The following QKI variants were observed in gnomAD, a reference collection of about 807,000 sequenced individuals.
The protein encoded by QKI is KH domain-containing RNA-binding protein QKI.
Under a neutral mutation model 39.0 loss-of-function variants are expected in QKI, and 10 were observed. The observed-to-expected ratio is 0.26, with a 90% CI of 0.16 to 0.43. The LOEUF (loss-of-function observed/expected upper bound fraction) is 0.43. QKI is among the 20% of genes least tolerant of loss of function. The pLI is 1.00. For synonymous variants in QKI, 204 were observed against 155.4 expected (o/e 1.31, Z -2.33); for missense variants, 218 against 428.0 (o/e 0.51, Z 4.33).
intron 1 of QKI, among the ~76,000 whole-genome samples, chr6:163,434,768 T>C (rs1789115605): frequency 6.6e-6 from 1 of 152,032 alleles, no homozygotes; most frequent in African/African-American, 2.4e-5. Flanking sequence ...TTTAAAAAAA[T>C]TAAATTTTAC....
intron 4 of QKI, among the ~76,000 whole-genome samples, chr6:163,542,723 GTTTAC>G (rs1261721861): frequency 6.6e-6 from 1 of 151,944 alleles, no homozygotes; most frequent in East Asian, 1.9e-4. Context: ...TTCTCTGTAT[GTTTAC>G]TTTATAGGTA....
chr6:163,462,659 G>A (rs753553375), intron 2 of QKI, among the ~76,000 whole-genome samples: 13 of 152,142 alleles, frequency 8.5e-5, no homozygotes, highest in Non-Finnish European at 1.6e-4. Flanking sequence ...AAGGATATCT[G>A]AATATAAAAC....
At chr6:163,556,503 CAAAAAA>C (rs61233361) in intron 4 of QKI, among the ~76,000 whole-genome samples, 7 of 83,060 alleles carry the variant, frequency 8.4e-5, no homozygotes, top group African/African-American at 2.3e-4. Flanking sequence ...AATTCCACCT[CAAAAAA>C]AAAAAAAAAA....
In QKI at chr6:163,561,340, C is replaced by T. The variant is rs191011410; in HGVS notation, c.547-642C>T. Among the ~76,000 whole-genome samples the T allele has an allele frequency of 1.8e-4, 27 of 152,250 alleles. No individual in the cohort carries two copies. The East Asian group carries it at 5.2e-3, about 29-fold the overall frequency. On this transcript the variant is annotated intron_variant, in intron 4 of 7. Transcript: ENST00000361752. ...GATAGTTGCTGGCTGGGTGCAGTGG[C>T]TCACACTTGTAAACTTAGCACTTTG... is the stretch of plus-strand genomic sequence containing the variant.
intron 1 of QKI, among the ~76,000 whole-genome samples, chr6:163,454,899 T>C (rs982887344): frequency 9.9e-5 from 15 of 152,202 alleles, no homozygotes; most frequent in Non-Finnish European, 1.9e-4. Flanking sequence ...GGCTTTGGTA[T>C]TAGTTTTGTC....
chr6:163,448,626 C>G (rs1158843592), intron 1 of QKI, among the ~76,000 whole-genome samples: 1 of 152,058 alleles, frequency 6.6e-6, no homozygotes, highest in Non-Finnish European at 1.5e-5. Flanking sequence ...ATCCCAGCTA[C>G]TCGGGGAGGC....
chr6:163,558,404 C>CT (rs964172716), intron 4 of QKI, among the ~76,000 whole-genome samples: 10,767 of 135,522 alleles, frequency 0.079, 465 homozygotes, highest in African/African-American at 0.099. Flanking sequence ...TTTTCTTTTT[C>CT]TTTTTTTTTT....
At chr6:163,530,431 T>C (rs1431661328) in intron 3 of QKI, among the ~76,000 whole-genome samples, 1 of 152,152 alleles carries the variant, frequency 6.6e-6, no homozygotes, top group Non-Finnish European at 1.5e-5. Context: ...AAGAGGACCT[T>C]TTGGGGTGTG....
At chr6:163,415,430 C>T (rs1787364800) in intron 1 of QKI, 95 bp downstream of exon 1, 5 of 755,024 alleles carry the variant, frequency 6.6e-6, no homozygotes, top group South Asian at 3.4e-5. Context: ...AGGTCACGGC[C>T]GGGCGGGACC....
At chr6:163,534,445 C>CATT (rs1781067812) in intron 3 of QKI, among the ~76,000 whole-genome samples, 1 of 152,124 alleles carries the variant, frequency 6.6e-6, no homozygotes, top group African/African-American at 2.4e-5. Flanking sequence ...CAACCAATGT[C>CATT]ATTAAAAGCA....
intron 3 of QKI, among the ~76,000 whole-genome samples, chr6:163,494,095 A>ATCC (rs147363339): frequency 0.08 from 12,124 of 152,278 alleles, 542 homozygotes; most frequent in Middle Eastern, 0.12. Flanking sequence ...CAGGCCCCAC[A>ATCC]TCCTCCAATT....
intron 3 of QKI, among the ~76,000 whole-genome samples, chr6:163,532,115 A>T (rs1313938519): frequency 6.6e-6 from 1 of 152,240 alleles, no homozygotes; most frequent in Non-Finnish European, 1.5e-5. Context: ...TTCTATCATG[A>T]AAATAATTAT....
Position 163,576,891 on chromosome 6 carries a change from T to C in QKI, c.*6181T>C, listed in dbSNP as rs1479884923. ...TAACATTCACTCTGATTTTAGCCAT[T>C]AAGGGAGATTAGTAAACAGACTGCT... On this transcript the variant is annotated 3_prime_UTR_variant, in exon 8 of 8. Coordinates refer to ENST00000361752, the MANE Select transcript of QKI (RefSeq NM_006775.3). 1 of 152,190 alleles carries C rather than the reference T, an allele frequency of 6.6e-6. No homozygotes were observed. Among genetic ancestry groups the C allele is most frequent in the African/African-American group, 2.4e-5 (1 of 41,454 alleles). The allele number at this position is 152,190 out of a possible 1,614,324, so 9.4% of individuals were successfully genotyped here.
At chr6:163,534,749 C>T (rs184800258) in intron 3 of QKI, among the ~76,000 whole-genome samples, 5 of 152,248 alleles carry the variant, frequency 3.3e-5, no homozygotes, top group Admixed American at 3.3e-4. Context: ...TGGTTCTGTG[C>T]CTGGTAGATA....
At position 163,570,899 on chromosome 6, in the gene QKI, T is replaced by A; in HGVS notation, c.*189T>A. 1 of 767,506 alleles carries A rather than the reference T, an allele frequency of 1.3e-6. No individual in the cohort carries two copies. The highest frequency in any genetic ancestry group is 2.0e-6 in the Non-Finnish European group (1 of 505,508). The allele number at this position is 767,506 out of a possible 1,614,324, so 47.5% of individuals were successfully genotyped here. On this transcript the variant is annotated 3_prime_UTR_variant, in exon 8 of 8. Coordinates refer to ENST00000361752, the MANE Select transcript of QKI (RefSeq NM_006775.3). ...ATTGTTGTCCTCCAACTCAGCTTTTTTTTTTTTTTTTTCCTGTTTGGGTGA... is the reference window on the plus strand; with the variant it reads ...ATTGTTGTCCTCCAACTCAGCTTTTATTTTTTTTTTTTCCTGTTTGGGTGA...
At chr6:163,567,769 C>T (rs1783455001) in intron 7 of QKI, 1 of 984,908 alleles carries the variant, frequency 1.0e-6, no homozygotes, top group Non-Finnish European at 1.2e-6. Flanking sequence ...CATTTGTTTC[C>T]TACAAATTAA....
At chr6:163,427,388 T>C (rs571945368) in intron 1 of QKI, among the ~76,000 whole-genome samples, 1 of 152,098 alleles carries the variant, frequency 6.6e-6, no homozygotes, top group Admixed American at 6.6e-5. Flanking sequence ...GCAGTAAAAC[T>C]ATCTTTAAAA....
intron 3 of QKI, among the ~76,000 whole-genome samples, chr6:163,490,817 G>C (rs1001177265): frequency 1.3e-5 from 2 of 152,162 alleles, no homozygotes; most frequent in African/African-American, 2.4e-5. Context: ...AAAGGCAGAA[G>C]ACAAATGATC....
intron 3 of QKI, among the ~76,000 whole-genome samples, chr6:163,532,831 C>T (rs1780945246): frequency 6.6e-6 from 1 of 152,154 alleles, no homozygotes; most frequent in Non-Finnish European, 1.5e-5. Context: ...TCCCTGGACT[C>T]TTGCTTAGTC....
Sources: allele counts gnomAD v4.1 joint callset (sites outside exome capture counted in the v4.1 genomes callset), GRCh38; gene constraint gnomAD v4.1.1; transcripts MANE v1.5; gene names NCBI Gene and HGNC (gene_info 2026-07-23, HGNC 2026-07-21).